ARAP2: variants seen among roughly 807,000 people sequenced by gnomAD.
The protein encoded by ARAP2 is arf-GAP with Rho-GAP domain, ANK repeat and PH domain-containing protein 2.
ARAP2 carries 148 observed loss-of-function variants against 194.5 expected under a neutral mutation model. That is an observed-to-expected ratio of 0.76 (90% CI 0.67 to 0.87). The LOEUF (loss-of-function observed/expected upper bound fraction) is 0.87. ARAP2 is among the 40% of genes least tolerant of loss of function. The probability of loss-of-function intolerance (pLI) is 0.00; values close to 1 mark genes in which losing one functional copy is unlikely to be tolerated. For missense variants in ARAP2, 2,128 were observed against 1,989.7 expected, an observed-to-expected ratio of 1.07 and a Z score of -1.32; for synonymous variants, 695 against 683.5, an observed-to-expected ratio of 1.02 and a Z score of -0.26.
At chr4:36,025,072 G>C (rs1479708479) in intron 5 of ARAP2, among the ~76,000 whole-genome samples, 1 of 152,094 alleles carries the variant, frequency 6.6e-6, no homozygotes, top group African/African-American at 2.4e-5. Context: ...ATTCAACTTT[G>C]GCAGGGGGTG....
At chr4:36,214,924 A>T (rs1747575279) in intron 2 of ARAP2, among the ~76,000 whole-genome samples, 1 of 152,198 alleles carries the variant, frequency 6.6e-6, no homozygotes, top group African/African-American at 2.4e-5. Context: ...ACTGAGTCAA[A>T]AATGTGTCTG....
At chr4:36,054,831 T>A (rs904238833) in intron 2 of ARAP2, among the ~76,000 whole-genome samples, 4 of 152,184 alleles carry the variant, frequency 2.6e-5, no homozygotes, top group African/African-American at 9.6e-5. Flanking sequence ...AGAGAAATAC[T>A]TTTTAAGTAC....
intron 9 of ARAP2, among the ~76,000 whole-genome samples, chr4:36,009,847 T>C (rs1298845475): frequency 7.3e-6 from 1 of 136,470 alleles, no homozygotes; most frequent in Non-Finnish European, 1.5e-5. Context: ...CTCTCTCTTG[T>C]TGAAGTAAAA....
At chr4:36,232,346 C>T (rs1029395881) in intron 1 of ARAP2, among the ~76,000 whole-genome samples, 1 of 152,174 alleles carries the variant, frequency 6.6e-6, no homozygotes, top group Admixed American at 6.5e-5. Context: ...CACACAAATT[C>T]GGTATGTAAC....
Position 36,119,655 on chromosome 4 carries a change from T to C in ARAP2, c.3958A>G (p.Thr1320Ala). The C allele has an allele frequency of 6.3e-7, 1 of 1,598,808 alleles. No homozygotes were observed. The highest frequency in any genetic ancestry group is 8.6e-7 in the Non-Finnish European group (1 of 1,167,968). Residue 1320 changes from threonine to alanine, a missense_variant, in exon 24 of 33, where the codon ACC (threonine) becomes GCC (alanine). Coordinates refer to ENST00000303965, the MANE Select transcript of ARAP2 (RefSeq NM_015230.4). ...ENSFITKWKD[T>A]QVSQAGDLLI... ...ATCTAACTATTACTACTCACTTGGGTGTCTTTCCACTTGGTAATAAAGCTA... is the reference window on the plus strand; with the variant it reads ...ATCTAACTATTACTACTCACTTGGGCGTCTTTCCACTTGGTAATAAAGCTA...
At chr4:36,166,796 A>G in intron 10 of ARAP2, 136 bp downstream of exon 10, 1 of 433,060 alleles carries the variant, frequency 2.3e-6, no homozygotes, top group Non-Finnish European at 4.0e-6. Context: ...AGTGGCTAAC[A>G]AATTAGACAA....
intron 2 of ARAP2, among the ~76,000 whole-genome samples, chr4:36,218,990 A>G (rs1312177889): frequency 6.6e-6 from 1 of 152,216 alleles, no homozygotes; most frequent in Non-Finnish European, 1.5e-5. Flanking sequence ...AAGGTGTTCA[A>G]TCTCATTAGT....
intron 26 of ARAP2, 71 bp downstream of exon 26, chr4:36,114,099 A>G (rs1372812681): frequency 2.5e-5 from 26 of 1,053,864 alleles, no homozygotes; most frequent in South Asian, 1.5e-4. Flanking sequence ...AAATGTTTAT[A>G]AAGTCTTGTC....
At position 36,114,178 on chromosome 4, in the gene ARAP2, T is replaced by G; in HGVS notation, c.4148A>C (p.Glu1383Ala). The G allele has an allele frequency of 6.3e-7, 1 of 1,586,080 alleles. No homozygotes were observed. Among genetic ancestry groups the G allele is most frequent in the East Asian group, 2.2e-5 (1 of 44,466 alleles). ...IWATFEVIEN[E>A]ELERPLHYKE... ...GCATAAAAATCACTTACCTAGCTCT[T>G]CATTTTCAATGACTTCAAATGTGGC... The change falls in exon 26 of 33, where the codon GAA becomes GCA. Residue 1383 changes from glutamate (E) to alanine (A), a missense_variant. Physicochemically the swap from Glu to Ala is moderately radical, Grantham distance 107. Coordinates refer to ENST00000303965, the MANE Select transcript of ARAP2 (RefSeq NM_015230.4).
At chr4:36,101,668 AT>A (rs1716968918) in intron 27 of ARAP2, among the ~76,000 whole-genome samples, 7 of 151,984 alleles carry the variant, frequency 4.6e-5, no homozygotes, top group Admixed American at 4.6e-4. Flanking sequence ...TGTGATTCTC[AT>A]GCAACTTTGC....
At chr4:36,238,331 T>C (rs1752823802) in intron 1 of ARAP2, among the ~76,000 whole-genome samples, 2 of 152,176 alleles carry the variant, frequency 1.3e-5, no homozygotes, top group African/African-American at 4.8e-5. Flanking sequence ...TTGCAAACCA[T>C]TTTTGTAGGA....
Position 36,229,099 on chromosome 4 carries a change from T to C in ARAP2, c.388A>G (p.Ser130Gly), listed in dbSNP as rs1750934324. ...LETVRKNLED[S>G]DASVERSQYP... Reference sequence around the variant, plus strand: ...TGGCTTCTTTCCACACTTGCATCACTGTCTTCAAGATTTTTTCTAACAGTC... The same window carrying C: ...TGGCTTCTTTCCACACTTGCATCACCGTCTTCAAGATTTTTTCTAACAGTC... Residue 130 changes from serine (S) to glycine (G), a missense_variant, in exon 2 of 33, where the codon AGT (serine) becomes GGT (glycine). Physicochemically the swap from Ser to Gly is moderately conservative, Grantham distance 56 (BLOSUM62 0). Transcript: ENST00000303965. 6.2e-7 allele frequency: 1 copy of C among 1,614,054 alleles called. No individual in the cohort carries two copies. The highest frequency in any genetic ancestry group is 8.5e-7 in the Non-Finnish European group (1 of 1,179,976).
chr4:36,223,799 A>G (rs1327763872), intron 2 of ARAP2, among the ~76,000 whole-genome samples: 1 of 152,106 alleles, frequency 6.6e-6, no homozygotes, highest in Admixed American at 6.6e-5. Context: ...GATAGCCAGT[A>G]GAGAGCCGTC....
At chr4:36,010,567 T>A (rs7699315) in intron 9 of ARAP2, among the ~76,000 whole-genome samples, 13,370 of 152,098 alleles carry the variant, frequency 0.088, 839 homozygotes, top group African/African-American at 0.18. Context: ...CTGGATACAT[T>A]TGTGCTTATC....
chr4:36,234,916 T>C (rs1477168155), intron 1 of ARAP2, among the ~76,000 whole-genome samples: 3 of 152,212 alleles, frequency 2.0e-5, no homozygotes, highest in Non-Finnish European at 4.4e-5. Context: ...AATGTATAAA[T>C]AGTTGGCATT....
At chr4:36,040,856 T>C (rs1019924070) in intron 5 of ARAP2, among the ~76,000 whole-genome samples, 4 of 152,176 alleles carry the variant, frequency 2.6e-5, no homozygotes, top group Non-Finnish European at 1.5e-5. Flanking sequence ...TTGCTCTGGC[T>C]ACAACTTCCA....
chr4:36,077,540 G>A (rs901356866), intron 31 of ARAP2, among the ~76,000 whole-genome samples: 18 of 151,968 alleles, frequency 1.2e-4, no homozygotes, highest in African/African-American at 2.7e-4. Flanking sequence ...TAGTCACTTC[G>A]CAATAATTCC....
rs1723536366 is a variant in ARAP2, at chr4:36,124,966, A to G, written c.3642T>C (p.Asp1214=). The G allele has an allele frequency of 6.3e-7, 1 of 1,588,854 alleles. No homozygotes were observed. Among genetic ancestry groups the G allele is most frequent in the East Asian group, 2.2e-5 (1 of 44,524 alleles). The change falls in exon 22 of 33, where the codon GAT becomes GAC. Residue 1214 remains aspartate, a splice_region_variant and synonymous_variant. Coordinates refer to ENST00000303965, the MANE Select transcript of ARAP2 (RefSeq NM_015230.4). ...TAATTCTTTCCTTGTCATCTTGCGT[A>G]TCTGAAGGGGAAAAAAAAACAATCT... is the stretch of plus-strand genomic sequence containing the variant. ...ELYPYWISAL[D]TQDDKERIKK...
chr4:36,091,736 A>C (rs1175586469), intron 28 of ARAP2, 145 bp downstream of exon 28: 1 of 893,186 alleles, frequency 1.1e-6, no homozygotes, highest in Non-Finnish European at 1.6e-6. Context: ...AATATCTTAT[A>C]CCATAGGCTG....
Sources: allele counts gnomAD v4.1 joint callset (sites outside exome capture counted in the v4.1 genomes callset), GRCh38; gene constraint gnomAD v4.1.1; transcripts MANE v1.5; gene names NCBI Gene and HGNC (gene_info 2026-07-23, HGNC 2026-07-21).